Variants in ECHDC1 observed in about 807,000 individuals in gnomAD.
ECHDC1 encodes the protein ethylmalonyl-CoA decarboxylase 1.
In ECHDC1, 29 loss-of-function variants were observed where a neutral mutation model predicts 29.7. The observed-to-expected ratio is 0.98, with a 90% CI of 0.73 to 1.33. ECHDC1 has a LOEUF of 1.33. ECHDC1 is among the 40% of genes most tolerant of loss of function. ECHDC1 has a pLI of 0.00. For synonymous variants in ECHDC1, 126 were observed against 123.1 expected, an observed-to-expected ratio of 1.02 and a Z score of -0.15; for missense variants, 328 against 350.0, an observed-to-expected ratio of 0.94 and a Z score of 0.50.
At chr6:127,302,142 A>G (rs1416526883) in intron 5 of ECHDC1, among the ~76,000 whole-genome samples, 1 of 152,220 alleles carries the variant, frequency 6.6e-6, no homozygotes, top group African/African-American at 2.4e-5. Context: ...GCAATTTAGC[A>G]GTATTAAAGG....
chr6:127,342,305 T>G, intron 1 of ECHDC1: 1 of 1,519,624 alleles, frequency 6.6e-7, no homozygotes, highest in South Asian at 1.2e-5. Context: ...CTTAAGAATC[T>G]GGCCACAAAT....
intron 5 of ECHDC1, among the ~76,000 whole-genome samples, chr6:127,309,557 C>A (rs1322468302): frequency 2.0e-5 from 3 of 148,494 alleles, no homozygotes; most frequent in Non-Finnish European, 4.4e-5. Flanking sequence ...AGATTAAAGA[C>A]AAATTTAAGA....
intron 1 of ECHDC1, chr6:127,342,223 C>T (rs1351877410): frequency 5.6e-6 from 5 of 888,658 alleles, no homozygotes; most frequent in Non-Finnish European, 8.2e-6. Context: ...TTAACCAGTT[C>T]TTCCCATTAG....
intron 2 of ECHDC1, among the ~76,000 whole-genome samples, chr6:127,330,086 T>G (rs549642665): frequency 6.6e-6 from 1 of 152,212 alleles, no homozygotes; most frequent in African/African-American, 2.4e-5. Flanking sequence ...AAGGAGAGAT[T>G]ACTAAAATCA....
At chr6:127,323,039 T>G (rs539029585) in intron 3 of ECHDC1, among the ~76,000 whole-genome samples, 3 of 152,144 alleles carry the variant, frequency 2.0e-5, no homozygotes, top group Non-Finnish European at 4.4e-5. Context: ...CCTGATCTCA[T>G]GTACACAAAC....
At chr6:127,305,067 GAGC>G (rs1175747581) in intron 5 of ECHDC1, among the ~76,000 whole-genome samples, 1 of 152,082 alleles carries the variant, frequency 6.6e-6, no homozygotes, top group Non-Finnish European at 1.5e-5. Flanking sequence ...GAAGGTTATA[GAGC>G]AGCAAAGCAG....
chr6:127,306,428 G>A (rs1003039114), intron 5 of ECHDC1, among the ~76,000 whole-genome samples: 81 of 152,254 alleles, frequency 5.3e-4, no homozygotes, highest in African/African-American at 1.9e-3. Context: ...ATGTAGAATT[G>A]TAATCCCTAA....
intron 1 of ECHDC1, chr6:127,341,684 C>T (rs1583027246): frequency 6.6e-6 from 1 of 152,116 alleles, no homozygotes; most frequent in African/African-American, 2.4e-5. Context: ...GGTCGCACTT[C>T]CCATTTTTTT....
chr6:127,298,264 T>C (rs1342507616), intron 5 of ECHDC1, among the ~76,000 whole-genome samples: 1 of 152,186 alleles, frequency 6.6e-6, no homozygotes, highest in Non-Finnish European at 1.5e-5. Flanking sequence ...TTCCAGTTTC[T>C]CTCTCACACC....
Position 127,330,931 on chromosome 6 carries a change from T to A in ECHDC1, c.98A>T (p.Tyr33Phe), listed in dbSNP as rs762200308. ...LSLYSTSHGF[Y>F]EEEVKKTLQQ... Reference sequence around the variant, plus strand: ...AAGTGTTTTTTTCACTTCTTCCTCATAAAATCCATGGGATGTACTATAAAG... The same window carrying A: ...AAGTGTTTTTTTCACTTCTTCCTCAAAAAATCCATGGGATGTACTATAAAG... The change falls in exon 2 of 6, where the codon TAT becomes TTT. Residue 33 changes from tyrosine to phenylalanine, a missense_variant. Transcript: ENST00000454859. 6 of 1,614,160 alleles carry A rather than the reference T, an allele frequency of 3.7e-6. No homozygotes were observed. The highest frequency in any genetic ancestry group is 2.2e-5 in the East Asian group (1 of 44,856).
chr6:127,304,564 C>G (rs76254465), intron 5 of ECHDC1, among the ~76,000 whole-genome samples: 3,310 of 152,204 alleles, frequency 0.022, 139 homozygotes, highest in African/African-American at 0.077. Flanking sequence ...CAAGGCACCA[C>G]AGACCAATAC....
intron 2 of ECHDC1, among the ~76,000 whole-genome samples, chr6:127,328,939 A>G (rs1783641650): frequency 6.6e-6 from 1 of 152,166 alleles, no homozygotes; most frequent in Non-Finnish European, 1.5e-5. Flanking sequence ...AGGCAGGAGA[A>G]TGGCGTAAAC....
chr6:127,300,015 G>A (rs2114572502), intron 5 of ECHDC1, among the ~76,000 whole-genome samples: 1 of 152,180 alleles, frequency 6.6e-6, no homozygotes, highest in South Asian at 2.1e-4. Flanking sequence ...GTAGTAAGCT[G>A]CACCCTAGAT....
At chr6:127,324,302 A>G (rs1263133779) in intron 3 of ECHDC1, among the ~76,000 whole-genome samples, 1 of 152,190 alleles carries the variant, frequency 6.6e-6, no homozygotes, top group Admixed American at 6.5e-5. Flanking sequence ...CTAGTTTACA[A>G]AGCACTTTAG....
chr6:127,302,874 C>T (rs1376002570), intron 5 of ECHDC1, among the ~76,000 whole-genome samples: 1 of 152,196 alleles, frequency 6.6e-6, no homozygotes, highest in Non-Finnish European at 1.5e-5. Context: ...ATGACTGCTT[C>T]CTCTTCGCAG....
chr6:127,301,714 G>A (rs1305522779), intron 5 of ECHDC1, among the ~76,000 whole-genome samples: 2 of 152,124 alleles, frequency 1.3e-5, no homozygotes, highest in East Asian at 1.9e-4. Flanking sequence ...TTTGGTATGC[G>A]GGTTTTAAAA....
chr6:127,294,952 A>AT (rs796132032), intron 5 of ECHDC1, among the ~76,000 whole-genome samples: 2,635 of 143,084 alleles, frequency 0.018, 45 homozygotes, highest in Middle Eastern at 0.058. Context: ...TGAAGCCAGT[A>AT]TTTTTTTTTT....
intron 5 of ECHDC1, among the ~76,000 whole-genome samples, 156 bp downstream of exon 5, chr6:127,314,654 GATTAAA>G (rs1386242521): frequency 6.6e-6 from 1 of 151,894 alleles, no homozygotes; most frequent in Non-Finnish European, 1.5e-5. Flanking sequence ...AATTTTATTA[GATTAAA>G]ATTATCTACT....
intron 3 of ECHDC1, among the ~76,000 whole-genome samples, chr6:127,319,854 C>T (rs1350843604): frequency 6.6e-6 from 1 of 152,076 alleles, no homozygotes; most frequent in Non-Finnish European, 1.5e-5. Context: ...ACCAAAATGC[C>T]AAAAGGAATG....
Sources: gnomAD v4.1 joint callset for allele counts (sites outside exome capture counted in the v4.1 genomes callset) on GRCh38, gnomAD v4.1.1 for gene constraint, MANE v1.5 for transcripts, NCBI Gene and HGNC (gene_info 2026-07-23, HGNC 2026-07-21) for gene names.